The following CDYL2 variants were observed in gnomAD, a reference collection of about 807,000 sequenced individuals.
CDYL2 encodes chromodomain Y-like protein 2.
In CDYL2, 23 loss-of-function variants were observed where a neutral mutation model predicts 49.4. The ratio of observed to expected loss-of-function variants is 0.47; its 90% CI spans 0.34 to 0.66. The LOEUF (loss-of-function observed/expected upper bound fraction) is 0.66, where lower values mean the gene tolerates loss of function less well. Ranked by LOEUF, CDYL2 falls within the 30% of genes least tolerant of loss-of-function variation. The pLI is 0.01. For synonymous variants in CDYL2, 360 were observed against 268.8 expected (o/e 1.34, Z -3.32); for missense variants, 678 against 656.4 (o/e 1.03, Z -0.36).
At chr16:80,725,406 A>T (rs1258062970) in intron 1 of CDYL2, among the ~76,000 whole-genome samples, 1 of 152,146 alleles carries the variant, frequency 6.6e-6, no homozygotes, top group Non-Finnish European at 1.5e-5. Context: ...CATGGTGACG[A>T]TCCACTTCTA....
intron 1 of CDYL2, among the ~76,000 whole-genome samples, chr16:80,772,847 A>G (rs1567602353): frequency 6.6e-6 from 1 of 152,234 alleles, no homozygotes; most frequent in African/African-American, 2.4e-5. Flanking sequence ...GAAAAAATGG[A>G]ATAATGTTCT....
intron 2 of CDYL2, among the ~76,000 whole-genome samples, chr16:80,643,114 T>A (rs1908174776): frequency 6.6e-6 from 1 of 152,044 alleles, no homozygotes; most frequent in South Asian, 2.1e-4. Context: ...GGGGTACAGG[T>A]ATTGGGTAAA....
intron 1 of CDYL2, among the ~76,000 whole-genome samples, chr16:80,728,441 A>C (rs1297257550): frequency 6.6e-6 from 1 of 152,240 alleles, no homozygotes; most frequent in East Asian, 1.9e-4. Context: ...GAAATATGGG[A>C]CTATTTGAAA....
At chr16:80,702,715 A>G (rs948513302) in intron 1 of CDYL2, among the ~76,000 whole-genome samples, 4 of 152,182 alleles carry the variant, frequency 2.6e-5, no homozygotes, top group African/African-American at 9.7e-5. Flanking sequence ...GTACCACTGC[A>G]TTCCAGCCTG....
chr16:80,730,991 G>T (rs1426967172), intron 1 of CDYL2, among the ~76,000 whole-genome samples: 1 of 152,078 alleles, frequency 6.6e-6, no homozygotes, highest in African/African-American at 2.4e-5. Flanking sequence ...GAGGCAAGAG[G>T]AAACATCTGG....
chr16:80,644,627 T>C (rs1050995423), intron 2 of CDYL2, among the ~76,000 whole-genome samples: 1 of 152,164 alleles, frequency 6.6e-6, no homozygotes, highest in Non-Finnish European at 1.5e-5. Flanking sequence ...ATGAGGAAGA[T>C]GCAAAGGCGG....
chr16:80,726,972 G>C (rs1240577025), intron 1 of CDYL2, among the ~76,000 whole-genome samples: 1 of 152,174 alleles, frequency 6.6e-6, no homozygotes, highest in East Asian at 1.9e-4. Context: ...TATAGTCCCA[G>C]CTACCCAAGA....
chr16:80,609,992 C>G (rs1597120990), intron 5 of CDYL2, among the ~76,000 whole-genome samples: 1 of 152,134 alleles, frequency 6.6e-6, no homozygotes, highest in African/African-American at 2.4e-5. Context: ...CATGACAGCA[C>G]CAAGCTCCCA....
intron 2 of CDYL2, among the ~76,000 whole-genome samples, chr16:80,667,878 C>A (rs1909333298): frequency 6.6e-6 from 1 of 152,236 alleles, no homozygotes; most frequent in African/African-American, 2.4e-5. Context: ...ATCTGGCCCA[C>A]AGAGGCTGGG....
intron 1 of CDYL2, among the ~76,000 whole-genome samples, chr16:80,788,551 G>A (rs1907508306): frequency 6.6e-6 from 1 of 152,218 alleles, no homozygotes; most frequent in African/African-American, 2.4e-5. Flanking sequence ...TCTGTGGAAA[G>A]CACAGGTGCA....
intron 2 of CDYL2, among the ~76,000 whole-genome samples, chr16:80,637,653 G>A (rs540146765): frequency 1.1e-4 from 15 of 139,394 alleles, no homozygotes; most frequent in African/African-American, 4.8e-4. Flanking sequence ...GGAACTTGAT[G>A]TTTTTTAAAA....
At chr16:80,657,996 G>C (rs1908881739) in intron 2 of CDYL2, among the ~76,000 whole-genome samples, 1 of 151,788 alleles carries the variant, frequency 6.6e-6, no homozygotes, top group Non-Finnish European at 1.5e-5. Flanking sequence ...TATGAATATG[G>C]AGTGGTTTAC....
At chr16:80,776,060 T>C (rs1488215899) in intron 1 of CDYL2, among the ~76,000 whole-genome samples, 4 of 151,836 alleles carry the variant, frequency 2.6e-5, no homozygotes, top group Admixed American at 2.6e-4. Context: ...AAACAAACAA[T>C]AATATTAATT....
intron 1 of CDYL2, among the ~76,000 whole-genome samples, chr16:80,792,614 C>G (rs1394386536): frequency 1.3e-5 from 2 of 152,128 alleles, no homozygotes; most frequent in Non-Finnish European, 2.9e-5. Flanking sequence ...CAGGTGTGTT[C>G]TGGGGATCCA....
At chr16:80,644,904 A>G (rs1908266064) in intron 2 of CDYL2, among the ~76,000 whole-genome samples, 1 of 152,202 alleles carries the variant, frequency 6.6e-6, no homozygotes, top group Admixed American at 6.5e-5. Context: ...TTCCCCATTT[A>G]ATAAATGGTG....
chr16:80,686,798 A>T (rs150234695), intron 1 of CDYL2, among the ~76,000 whole-genome samples: 1,876 of 152,306 alleles, frequency 0.012, 36 homozygotes, highest in African/African-American at 0.042. Context: ...GCCTCTTTAT[A>T]ATACTGCCTC....
chr16:80,644,504 G>C (rs1012956662), intron 2 of CDYL2, among the ~76,000 whole-genome samples: 1 of 152,178 alleles, frequency 6.6e-6, no homozygotes, highest in Non-Finnish European at 1.5e-5. Context: ...ACACTGGGTA[G>C]ACTGGGGAAC....
chr16:80,599,143 T>C lies in CDYL2; in HGVS notation c.*5245A>G, dbSNP rs1228200146. The C allele has an allele frequency of 1.3e-5, 2 of 152,092 alleles. No homozygotes were observed. Among genetic ancestry groups the C allele is most frequent in the Non-Finnish European group, 2.9e-5 (2 of 68,022 alleles). The allele number at this position is 152,092 out of a possible 1,614,324, so 9.4% of individuals were successfully genotyped here. On this transcript the variant is annotated 3_prime_UTR_variant, in exon 7 of 7. Coordinates refer to ENST00000570137, the MANE Select transcript of CDYL2 (RefSeq NM_152342.4). ...AGCATCAGGCTAGATGTTGGATCAA[T>C]GATATAAGGTTAAGCCATAAAAACA...
intron 1 of CDYL2, among the ~76,000 whole-genome samples, chr16:80,776,162 TA>T (rs1314513955): frequency 6.6e-6 from 1 of 152,040 alleles, no homozygotes; most frequent in East Asian, 1.9e-4. Flanking sequence ...CTTAGAAAAA[TA>T]CATATCAATT....
Sources: allele counts gnomAD v4.1 joint callset (sites outside exome capture counted in the v4.1 genomes callset), GRCh38; gene constraint gnomAD v4.1.1; transcripts MANE v1.5; gene names NCBI Gene and HGNC (gene_info 2026-07-23, HGNC 2026-07-21).